Variants in STAU2 observed in about 807,000 individuals in gnomAD.
STAU2 encodes staufen double-stranded RNA binding protein 2.
Under a neutral mutation model 65.9 loss-of-function variants are expected in STAU2, and 20 were observed. That is an observed-to-expected ratio of 0.30 (90% CI 0.21 to 0.44). The LOEUF (loss-of-function observed/expected upper bound fraction) is 0.44, where lower values mean the gene tolerates loss of function less well. STAU2 is among the 20% of genes least tolerant of loss of function. The pLI is 1.00. For missense variants in STAU2, 558 were observed against 683.9 expected, an observed-to-expected ratio of 0.82 and a Z score of 2.05; for synonymous variants, 232 against 233.9, an observed-to-expected ratio of 0.99 and a Z score of 0.07.
intron 3 of STAU2, among the ~76,000 whole-genome samples, chr8:73,734,927 G>T (rs1442044093): frequency 6.6e-6 from 1 of 152,064 alleles, no homozygotes; most frequent in East Asian, 1.9e-4. Flanking sequence ...CTTTCAAGCT[G>T]AGAATCAACT....
At chr8:73,725,754 A>T (rs1805576730) in intron 3 of STAU2, among the ~76,000 whole-genome samples, 1 of 152,192 alleles carries the variant, frequency 6.6e-6, no homozygotes, top group Non-Finnish European at 1.5e-5. Flanking sequence ...GCAACATGGC[A>T]AAACACCTTC....
intron 8 of STAU2, among the ~76,000 whole-genome samples, chr8:73,614,435 A>C (rs565939555): frequency 6.6e-6 from 1 of 152,334 alleles, no homozygotes; most frequent in African/African-American, 2.4e-5. Flanking sequence ...TCAATGGATA[A>C]AAATAAGCTG....
At chr8:73,635,140 G>C (rs1172996198) in intron 6 of STAU2, among the ~76,000 whole-genome samples, 2 of 152,150 alleles carry the variant, frequency 1.3e-5, no homozygotes, top group Non-Finnish European at 2.9e-5. Context: ...ATAAATTACA[G>C]AGAAATCACA....
At chr8:73,597,324 A>G (rs1323639971) in intron 10 of STAU2, among the ~76,000 whole-genome samples, 1 of 151,970 alleles carries the variant, frequency 6.6e-6, no homozygotes, top group African/African-American at 2.4e-5. Flanking sequence ...TTAAAAAGGG[A>G]GATTACCATC....
intron 9 of STAU2, among the ~76,000 whole-genome samples, chr8:73,612,152 T>C (rs552754476): frequency 3.3e-5 from 5 of 152,314 alleles, no homozygotes; most frequent in African/African-American, 7.2e-5. Context: ...AAACAGTTCA[T>C]GGATATATTC....
At chr8:73,497,096 T>C (rs12235061) in intron 13 of STAU2, among the ~76,000 whole-genome samples, 36,656 of 151,578 alleles carry the variant, frequency 0.24, 5,448 homozygotes, top group East Asian at 0.52. Flanking sequence ...GGATGATTTT[T>C]TTCTAACATT....
intron 13 of STAU2, among the ~76,000 whole-genome samples, chr8:73,516,738 C>T (rs990012921): frequency 6.6e-6 from 1 of 152,090 alleles, no homozygotes; most frequent in East Asian, 1.9e-4. Context: ...ATACGCAACA[C>T]CATAATTTAA....
intron 6 of STAU2, among the ~76,000 whole-genome samples, chr8:73,671,403 A>G (rs11989285): frequency 6.6e-6 from 1 of 151,998 alleles, no homozygotes; most frequent in Non-Finnish European, 1.5e-5. Flanking sequence ...CAAACAAAAA[A>G]AAACAAAAAA....
chr8:73,595,436 T>C (rs1033755532), intron 10 of STAU2, 139 bp from the exon 11 acceptor site: 1 of 701,438 alleles, frequency 1.4e-6, no homozygotes, highest in Non-Finnish European at 2.2e-6. Flanking sequence ...GCAACTAAGA[T>C]AACATTTATG....
chr8:73,588,493 C>G (rs143520177), intron 11 of STAU2, among the ~76,000 whole-genome samples: 1,588 of 152,314 alleles, frequency 0.01, 21 homozygotes, highest in African/African-American at 0.035. Flanking sequence ...TGCAGGAATG[C>G]AGCTGGTTAA....
At chr8:73,596,688 A>G (rs1456829275) in intron 10 of STAU2, among the ~76,000 whole-genome samples, 1 of 152,088 alleles carries the variant, frequency 6.6e-6, no homozygotes, top group Non-Finnish European at 1.5e-5. Context: ...ATTTTTACAA[A>G]AAAAATTTTA....
rs368532768 is a variant in STAU2 at position 73,439,342 on chromosome 8, C to A, written c.1531-16640G>T. On this transcript the variant is annotated intron_variant, in intron 13 of 14. Transcript: ENST00000524300. ...GTTAAGAGGCTAAGATTTGACTGGG[C>A]ATGGTGGCTCATGCCTGTAATCCCA... 1.2e-4 allele frequency: 34 copies of A among 285,864 alleles called. No individual in the cohort carries two copies. In the East Asian group the frequency reaches 1.6e-3, roughly 14 times the overall value. The allele number at this position is 285,864 out of a possible 1,614,324, so 17.7% of individuals were successfully genotyped here.
chr8:73,467,558 T>A (rs887879613), intron 13 of STAU2, among the ~76,000 whole-genome samples: 1 of 152,192 alleles, frequency 6.6e-6, no homozygotes, highest in African/African-American at 2.4e-5. Flanking sequence ...TTTAAAAAAA[T>A]TGATTAGTTC....
chr8:73,712,475 T>C (rs189335656), intron 3 of STAU2, among the ~76,000 whole-genome samples: 18 of 152,324 alleles, frequency 1.2e-4, no homozygotes, highest in African/African-American at 4.3e-4. Flanking sequence ...AATGAGATAA[T>C]ACCAAACACT....
chr8:73,469,989 T>C (rs1477198686), intron 13 of STAU2, among the ~76,000 whole-genome samples: 1 of 152,222 alleles, frequency 6.6e-6, no homozygotes, highest in Non-Finnish European at 1.5e-5. Flanking sequence ...CGAGAAGCCC[T>C]GGATTTAGGT....
At chr8:73,674,666 G>A (rs977666510) in intron 5 of STAU2, among the ~76,000 whole-genome samples, 7 of 149,908 alleles carry the variant, frequency 4.7e-5, no homozygotes, top group African/African-American at 9.8e-5. Context: ...TAATATTGGC[G>A]TCCCTGTCTC....
chr8:73,735,287 A>G (rs1806356159), intron 3 of STAU2, among the ~76,000 whole-genome samples: 1 of 152,196 alleles, frequency 6.6e-6, no homozygotes, highest in South Asian at 2.1e-4. Context: ...TTGCCCAGAA[A>G]GTAAGATTCA....
At chr8:73,491,275 C>T (rs1484308213) in intron 13 of STAU2, among the ~76,000 whole-genome samples, 1 of 151,976 alleles carries the variant, frequency 6.6e-6, no homozygotes, top group Admixed American at 6.6e-5. Context: ...GCTGAATTAA[C>T]GTTTTGGAAA....
intron 11 of STAU2, among the ~76,000 whole-genome samples, chr8:73,586,152 A>G (rs1055578541): frequency 1.3e-5 from 2 of 152,218 alleles, no homozygotes; most frequent in African/African-American, 4.8e-5. Context: ...TGGAAAGCAG[A>G]TGAAGAAGTT....
Sources: allele counts gnomAD v4.1 joint callset (sites outside exome capture counted in the v4.1 genomes callset), GRCh38; gene constraint gnomAD v4.1.1; transcripts MANE v1.5; gene names NCBI Gene and HGNC (gene_info 2026-07-23, HGNC 2026-07-21).